RB1CC1: variants seen among roughly 807,000 people sequenced by gnomAD.
The protein encoded by RB1CC1 is RB1-inducible coiled-coil protein 1.
Under a neutral mutation model 177.5 loss-of-function variants are expected in RB1CC1, and 46 were observed. That is an observed-to-expected ratio of 0.26 (90% CI 0.20 to 0.33). RB1CC1 has a LOEUF of 0.33. Ranked by LOEUF, RB1CC1 falls within the 10% of genes least tolerant of loss-of-function variation. The pLI is 1.00. For synonymous variants in RB1CC1, 666 were observed against 613.6 expected (o/e 1.09, Z -1.26); for missense variants, 1,703 against 1,816.3 (o/e 0.94, Z 1.13).
chr8:52,654,834 C>A (rs912963501), intron 15 of RB1CC1, among the ~76,000 whole-genome samples: 2 of 152,150 alleles, frequency 1.3e-5, no homozygotes, highest in Admixed American at 6.5e-5. Context: ...ATCAATTTAA[C>A]CAAAATTCCC....
chr8:52,629,862 C>T (rs1848638126), intron 21 of RB1CC1, among the ~76,000 whole-genome samples: 1 of 152,118 alleles, frequency 6.6e-6, no homozygotes, highest in Admixed American at 6.6e-5. Context: ...CTGGACCAAA[C>T]CAACTTGTAT....
intron 1 of RB1CC1, among the ~76,000 whole-genome samples, chr8:52,692,256 A>G (rs1259547727): frequency 2.6e-5 from 4 of 152,182 alleles, no homozygotes; most frequent in Admixed American, 6.5e-5. Flanking sequence ...ATGAATTTTA[A>G]TATCATAGTG....
chr8:52,686,716 A>G (rs185233140), intron 2 of RB1CC1, 137 bp downstream of exon 2: 2 of 268,246 alleles, frequency 7.5e-6, no homozygotes, highest in African/African-American at 4.5e-5. Flanking sequence ...ACCTTTACTT[A>G]TGCTCTTTCC....
In RB1CC1 at chr8:52,658,934, A is replaced by T. The variant is rs751582682; in HGVS notation, c.1732T>A (p.Ser578Thr). The T allele has an allele frequency of 3.2e-6, 5 of 1,586,172 alleles. No individual in the cohort carries two copies. The East Asian group carries it at 9.2e-5, about 29-fold the overall frequency. The change falls in exon 13 of 24, where the codon TCA becomes ACA. Residue 578 changes from serine to threonine, a missense_variant. Coordinates refer to ENST00000025008, the MANE Select transcript of RB1CC1 (RefSeq NM_014781.5). ...RKFDCELPDI[S>T]LKDLQFLQSF... is the part of the protein sequence containing the mutation. ...TGCAGAAACTGTAAATCTTTTAATGAAATATCTGGAAGTTCACAGTCAAAC... is the reference window on the plus strand; with the variant it reads ...TGCAGAAACTGTAAATCTTTTAATGTAATATCTGGAAGTTCACAGTCAAAC...
rs184039328 is a variant in RB1CC1 at position 52,651,756 on chromosome 8, T to C, written c.3821+4252A>G. Among the ~76,000 whole-genome samples, 179 of 152,302 alleles carry C rather than the reference T, an allele frequency of 1.2e-3. 2 individuals carry two copies. Among genetic ancestry groups the C allele is most frequent in the Non-Finnish European group, 5.0e-4 (34 of 68,028 alleles). ...TGTTTTTTCTTAGAATATTCTTGAA[T>C]AGTAAAAACTACTAGCTCTAAAATA... On this transcript the variant is annotated intron_variant, in intron 15 of 23. Coordinates refer to ENST00000025008, the MANE Select transcript of RB1CC1 (RefSeq NM_014781.5).
chr8:52,675,778 T>G (rs1222930943), intron 6 of RB1CC1, among the ~76,000 whole-genome samples: 1 of 149,730 alleles, frequency 6.7e-6, no homozygotes, highest in African/African-American at 2.5e-5. Context: ...TCCCAGCTAC[T>G]TGGGAGGCTG....
intron 8 of RB1CC1, among the ~76,000 whole-genome samples, chr8:52,664,104 G>A (rs1001378575): frequency 1.3e-4 from 20 of 152,324 alleles, no homozygotes; most frequent in Admixed American, 6.5e-4. Flanking sequence ...ATCCCTTGGC[G>A]GCAGCCAAAT....
chr8:52,658,903 A>C lies in RB1CC1; in HGVS notation c.1763T>G (p.Phe588Cys), dbSNP rs760086829. The change falls in exon 13 of 24, where the codon TTT (phenylalanine) becomes TGT (cysteine). Residue 588 changes from phenylalanine (F) to cysteine (C), a missense_variant. Around this residue, in one of 6 missense-constraint regions of RB1CC1, gnomAD observed 1,169 missense variants for 1,184.7 expected, o/e 0.99. Transcript: ENST00000025008. ...SLKDLQFLQS[F>C]CPSEVQPFLR... ...GAATGGCTGAACTTCCGAAGGACAA[A>C]ATGATTGCAGAAACTGTAAATCTTT... 3.8e-6 allele frequency: 6 copies of C among 1,587,364 alleles called. No individual in the cohort carries two copies. Among genetic ancestry groups the C allele is most frequent in the Non-Finnish European group, 5.1e-6 (6 of 1,168,518 alleles).
At chr8:52,669,414 C>T (rs1852355240) in intron 7 of RB1CC1, among the ~76,000 whole-genome samples, 1 of 152,174 alleles carries the variant, frequency 6.6e-6, no homozygotes, top group African/African-American at 2.4e-5. Flanking sequence ...TCAAATACCT[C>T]CTTCATGCTG....
intron 19 of RB1CC1, among the ~76,000 whole-genome samples, chr8:52,635,418 A>G (rs886972996): frequency 6.6e-6 from 1 of 152,184 alleles, no homozygotes; most frequent in African/African-American, 2.4e-5. Context: ...TTTATCAGAC[A>G]ATTACACTTG....
chr8:52,689,649 T>A (rs1410752611), intron 1 of RB1CC1, among the ~76,000 whole-genome samples: 3 of 152,170 alleles, frequency 2.0e-5, no homozygotes, highest in African/African-American at 7.2e-5. Flanking sequence ...CTTTTCACCC[T>A]CATCCTCTAC....
chr8:52,657,684 G>C lies in RB1CC1; in HGVS notation c.2145C>G (p.His715Gln), dbSNP rs2150481854. 2.5e-6 allele frequency: 4 copies of C among 1,614,106 alleles called. No homozygotes were observed. Among genetic ancestry groups the C allele is most frequent in the Non-Finnish European group, 2.5e-6 (3 of 1,179,992 alleles). ...IPHPNIEQTI[H>Q]QVSLDLDSLA... Reference sequence around the variant, plus strand: ...ATGAATCCAAGTCTAAAGAAACTTGGTGAATAGTCTGTTCTATGTTTGGAT... The same window carrying C: ...ATGAATCCAAGTCTAAAGAAACTTGCTGAATAGTCTGTTCTATGTTTGGAT... The change falls in exon 15 of 24, where the codon CAC becomes CAG. Residue 715 changes from histidine (H) to glutamine (Q), a missense_variant. His to Gln is a conservative substitution (Grantham distance 24). Transcript: ENST00000025008.
intron 22 of RB1CC1, among the ~76,000 whole-genome samples, chr8:52,626,511 G>GC (rs1408039988): frequency 6.6e-6 from 1 of 152,096 alleles, no homozygotes; most frequent in Non-Finnish European, 1.5e-5. Flanking sequence ...AAAAGATATT[G>GC]CAAGTGGGGT....
At chr8:52,699,974 A>G (rs1855900280) in intron 1 of RB1CC1, among the ~76,000 whole-genome samples, 1 of 151,480 alleles carries the variant, frequency 6.6e-6, no homozygotes, top group African/African-American at 2.4e-5. Context: ...AGTCAATTTT[A>G]TAAAAGGCTA....
At chr8:52,705,786 T>C (rs1361410231) in intron 1 of RB1CC1, among the ~76,000 whole-genome samples, 1 of 152,138 alleles carries the variant, frequency 6.6e-6, no homozygotes, top group Non-Finnish European at 1.5e-5. Context: ...CAGTGAGCTA[T>C]GATGGCATCA....
intron 22 of RB1CC1, among the ~76,000 whole-genome samples, chr8:52,625,887 T>C (rs1848353274): frequency 6.6e-6 from 1 of 152,194 alleles, no homozygotes; most frequent in Non-Finnish European, 1.5e-5. Context: ...GCTAAAGCCT[T>C]TGAAAGAAGG....
intron 23 of RB1CC1, among the ~76,000 whole-genome samples, chr8:52,624,458 C>T (rs4386995): frequency 0.78 from 117,585 of 151,336 alleles, 46,110 homozygotes; most frequent in African/African-American, 0.89. Flanking sequence ...GTTACACTAG[C>T]AACCCAACAG....
intron 2 of RB1CC1, chr8:52,685,826 T>C (rs1439891305): frequency 6.1e-6 from 1 of 164,304 alleles, no homozygotes; most frequent in Non-Finnish European, 1.3e-5. Context: ...TTTCACTCAG[T>C]GTTTTACATT....
At chr8:52,662,602 A>G (rs1027497111) in intron 8 of RB1CC1, among the ~76,000 whole-genome samples, 1 of 152,086 alleles carries the variant, frequency 6.6e-6, no homozygotes. Context: ...TACTGTAAAT[A>G]AATCATTATC....
Sources: gnomAD v4.1 joint callset for allele counts (sites outside exome capture counted in the v4.1 genomes callset) on GRCh38, gnomAD v4.1.1 for gene constraint, gnomAD v4.1.1 regional missense constraint, MANE v1.5 for transcripts, NCBI Gene and HGNC (gene_info 2026-07-23, HGNC 2026-07-21) for gene names.